SERINC5: variants seen among roughly 807,000 people sequenced by gnomAD.
SERINC5 encodes the protein chromosome 5 open reading frame 12.
A neutral mutation model predicts 63.1 loss-of-function variants in SERINC5; 41 were observed. That is an observed-to-expected ratio of 0.65 (90% CI 0.51 to 0.84). SERINC5 has a LOEUF of 0.84. SERINC5 is among the 40% of genes least tolerant of loss of function. SERINC5 has a pLI of 0.00. For missense variants in SERINC5, 523 were observed against 573.0 expected, an observed-to-expected ratio of 0.91 and a Z score of 0.89; for synonymous variants, 222 against 215.2, an observed-to-expected ratio of 1.03 and a Z score of -0.28.
chr5:80,135,314 A>G (rs146918763), downstream of SERINC5, among the ~76,000 whole-genome samples: 2,234 of 152,300 alleles, frequency 0.015, 56 homozygotes, highest in African/African-American at 0.051. Context: ...GATTACAGGC[A>G]TGAGCCACCA....
intron 2 of SERINC5, among the ~76,000 whole-genome samples, chr5:80,190,269 C>T (rs1436897664): frequency 6.6e-6 from 1 of 151,888 alleles, no homozygotes; most frequent in Non-Finnish European, 1.5e-5. Context: ...CACACCATGA[C>T]ACCTGACTAA....
chr5:80,229,498 C>T (rs1415628911), intron 1 of SERINC5, among the ~76,000 whole-genome samples: 1 of 152,118 alleles, frequency 6.6e-6, no homozygotes, highest in Admixed American at 6.6e-5. Flanking sequence ...CTACATTGAA[C>T]ATTCATTGTT....
At position 80,142,652 on chromosome 5, in the gene SERINC5, C is replaced by T. The variant is rs1372399843; in HGVS notation, c.*1011G>A. ...GTATGGTCACGTTACAGATCCAGAA[C>T]ACAAAACGACTTCCGCTTTTACAGT... On this transcript the variant is annotated 3_prime_UTR_variant, in exon 12 of 12. Coordinates refer to ENST00000507668, the MANE Select transcript of SERINC5 (RefSeq NM_001174072.3). 6.4e-5 allele frequency: 63 copies of T among 985,298 alleles called. No individual in the cohort carries two copies. Among genetic ancestry groups the T allele is most frequent in the Non-Finnish European group, 7.6e-5 (63 of 829,958 alleles). The allele number at this position is 985,298 out of a possible 1,614,324, so 61.0% of individuals were successfully genotyped here.
chr5:80,249,234 G>C (rs1048793309), intron 1 of SERINC5, among the ~76,000 whole-genome samples: 1 of 151,940 alleles, frequency 6.6e-6, no homozygotes, highest in Non-Finnish European at 1.5e-5. Context: ...AGAATGGTGT[G>C]AACCTGGGAG....
Position 80,143,756 on chromosome 5 carries a change from C to A in SERINC5, c.1293G>T (p.Trp431Cys). 2.6e-6 allele frequency: 4 copies of A among 1,536,094 alleles called. No individual in the cohort carries two copies. Among genetic ancestry groups the A allele is most frequent in the Non-Finnish European group, 3.5e-6 (4 of 1,146,858 alleles). ...SFFSGSWSIF[W>C]VKMASCWICV... ...ATATCCAGCAGGAGGCCATCTTGAC[C>A]CAGAAGATGGACCAGCTCCCGCTGA... Residue 431 changes from tryptophan (W) to cysteine (C), a missense_variant, in exon 12 of 12, where the codon TGG becomes TGT. Physicochemically the swap from Trp to Cys is radical, Grantham distance 215. Transcript: ENST00000507668.
At position 80,161,862 on chromosome 5, in the gene SERINC5, CTTTTGTTGAT is replaced by C. The variant is rs548579950; in HGVS notation, c.860-2910_860-2901del. ...TCTTACATGTAAGTCTTTAATCCAC[CTTTTGTTGAT>C]TTTTGTTGATTTTTGTATGTGGTGA... On this transcript the variant is annotated intron_variant, in intron 7 of 11. Coordinates refer to ENST00000507668, the MANE Select transcript of SERINC5 (RefSeq NM_001174072.3). 4.2e-3 allele frequency among the ~76,000 whole-genome samples: 632 copies of C among 152,056 alleles called. 4 individuals are homozygous for C. Among genetic ancestry groups the C allele is most frequent in the Non-Finnish European group, 6.7e-3 (455 of 67,970 alleles).
intron 1 of SERINC5, among the ~76,000 whole-genome samples, chr5:80,229,030 T>TGGGGGGGGGGGGGGGGGGG (rs1300617664): frequency 2.4e-5 from 1 of 41,784 alleles, no homozygotes; most frequent in Non-Finnish European, 4.1e-5. Flanking sequence ...CCTTTTTTTT[T>TGGGGGGGGGGGGGGGGGGG]TTTTTTTTTT....
intron 2 of SERINC5, among the ~76,000 whole-genome samples, chr5:80,198,890 A>G (rs1227770095): frequency 1.3e-5 from 2 of 152,220 alleles, no homozygotes; most frequent in Non-Finnish European, 2.9e-5. Flanking sequence ...GGACAGGCAT[A>G]GAAACATTTA....
intron 11 of SERINC5, among the ~76,000 whole-genome samples, chr5:80,126,952 C>T (rs1003559288): frequency 3.9e-5 from 6 of 152,154 alleles, no homozygotes; most frequent in Admixed American, 3.3e-4. Flanking sequence ...ATATACTCAT[C>T]ATCAAAAACT....
At chr5:80,198,996 C>T (rs904805347) in intron 2 of SERINC5, among the ~76,000 whole-genome samples, 1 of 152,332 alleles carries the variant, frequency 6.6e-6, no homozygotes, top group Middle Eastern at 3.4e-3. Context: ...ACTGCCACCA[C>T]TACCTCTAGG....
In SERINC5 at chr5:80,139,396, T is replaced by G. The variant is rs1035043720; in HGVS notation, c.*4267A>C. 1.9e-5 allele frequency: 19 copies of G among 985,164 alleles called. No individual in the cohort carries two copies. The highest frequency in any genetic ancestry group is 2.3e-5 in the Non-Finnish European group (19 of 829,788). 61.0% of individuals were successfully genotyped at this position (985,164 alleles called of 1,614,324 possible). ...CCCAAAGGATTACCTTAAAGAGTTC[T>G]TCCATCATTTTACTCATGTGAATAT... is the stretch of plus-strand genomic sequence containing the variant. On this transcript the variant is annotated 3_prime_UTR_variant, in exon 12 of 12. Transcript: ENST00000507668.
At chr5:80,247,798 A>C (rs1378651372) in intron 1 of SERINC5, among the ~76,000 whole-genome samples, 2 of 152,200 alleles carry the variant, frequency 1.3e-5, no homozygotes, top group Non-Finnish European at 2.9e-5. Flanking sequence ...AAGTGTGGAT[A>C]GTACCCAACC....
rs200759637 is a variant in SERINC5 at position 80,173,282 on chromosome 5, AAAATG to A, written c.551+1667_551+1671del. Among the ~76,000 whole-genome samples, 91 of 145,674 alleles carry A rather than the reference AAAATG, an allele frequency of 6.2e-4. No homozygotes were observed. In the East Asian group the frequency reaches 0.017, roughly 27 times the overall value. ...GGAAGGAAGGAAGGAAGGAAGGAAG[AAAATG>A]AAATGAAATGAAATGAAAAGAAAAG... is the stretch of plus-strand genomic sequence containing the variant. On this transcript the variant is annotated intron_variant, in intron 5 of 11. Coordinates refer to ENST00000507668, the MANE Select transcript of SERINC5 (RefSeq NM_001174072.3).
At position 80,255,982 on chromosome 5, in the gene SERINC5, G is replaced by T; in HGVS notation, c.-60C>A. ...TCCCCGCGCCGCACGGGCCCTCCTG[G>T]CTGCCTCGCGCCTCGAGCGCTGGGC... On this transcript the variant is annotated 5_prime_UTR_variant, in exon 1 of 12. Transcript: ENST00000507668. The T allele has an allele frequency of 2.1e-6, 3 of 1,446,600 alleles. No homozygotes were observed. Among genetic ancestry groups the T allele is most frequent in the Non-Finnish European group, 2.7e-6 (3 of 1,103,478 alleles). 89.6% of individuals were successfully genotyped at this position (1,446,600 alleles called of 1,614,324 possible).
intron 11 of SERINC5, among the ~76,000 whole-genome samples, chr5:80,132,750 C>T (rs767879267): frequency 1.3e-5 from 2 of 152,132 alleles, no homozygotes; most frequent in African/African-American, 2.4e-5. Context: ...CAGGTGTGAG[C>T]CACCGTGCCT....
chr5:80,142,966 T>G lies in SERINC5; in HGVS notation c.*697A>C, dbSNP rs1745599855. 1 of 985,254 alleles carries G rather than the reference T, an allele frequency of 1.0e-6. No individual in the cohort carries two copies. 61.0% of individuals were successfully genotyped at this position (985,254 alleles called of 1,614,324 possible). On this transcript the variant is annotated 3_prime_UTR_variant, in exon 12 of 12. Transcript: ENST00000507668. ...AGGTGGGGAACCACCTGGGGGGTGA[T>G]CAGACAAATTGTGCTTTTTCACATT...
intron 1 of SERINC5, among the ~76,000 whole-genome samples, chr5:80,247,682 G>A (rs1419948739): frequency 6.6e-6 from 1 of 152,138 alleles, no homozygotes; most frequent in African/African-American, 2.4e-5. Context: ...ACTACACAAA[G>A]ACACTCCTAA....
chr5:80,131,092 T>C (rs1245188520), intron 11 of SERINC5, among the ~76,000 whole-genome samples: 1 of 152,200 alleles, frequency 6.6e-6, no homozygotes, highest in Non-Finnish European at 1.5e-5. Flanking sequence ...TGGTGACTGA[T>C]ATGGTTTGGC....
At chr5:80,252,540 C>T in intron 1 of SERINC5, among the ~76,000 whole-genome samples, 1 of 152,150 alleles carries the variant, frequency 6.6e-6, no homozygotes, top group Non-Finnish European at 1.5e-5. Context: ...TCTTAGCATC[C>T]ATTAGCCAAC....
Sources: gnomAD v4.1 joint callset for allele counts (sites outside exome capture counted in the v4.1 genomes callset) on GRCh38, gnomAD v4.1.1 for gene constraint, MANE v1.5 for transcripts, NCBI Gene and HGNC (gene_info 2026-07-23, HGNC 2026-07-21) for gene names.